The following FER1L6 variants were observed in gnomAD, a reference collection of about 807,000 sequenced individuals.
FER1L6 encodes the protein fer-1-like protein 6.
In FER1L6, 177 loss-of-function variants were observed where a neutral mutation model predicts 219.2. That is an observed-to-expected ratio of 0.81 (90% CI 0.71 to 0.91). FER1L6 has a LOEUF of 0.91. Among genes scored for constraint, FER1L6 ranks in the 40% least tolerant of loss-of-function variants. The pLI, the probability that FER1L6 is intolerant of heterozygous loss-of-function variation, is 0.00. For synonymous variants in FER1L6, 768 were observed against 824.3 expected (o/e 0.93, Z 1.17); for missense variants, 2,153 against 2,259.9 (o/e 0.95, Z 0.96).
At chr8:123,995,757 GTTGT>G (rs1188816432) in intron 12 of FER1L6, among the ~76,000 whole-genome samples, 2 of 151,864 alleles carry the variant, frequency 1.3e-5, no homozygotes, top group Non-Finnish European at 2.9e-5. Flanking sequence ...GCATCGTTAG[GTTGT>G]TTATTTGATG....
chr8:123,908,046 C>G (rs968821442), intron 1 of FER1L6, among the ~76,000 whole-genome samples: 1 of 151,956 alleles, frequency 6.6e-6, no homozygotes, highest in Admixed American at 6.6e-5. Flanking sequence ...TTTGCCGTCC[C>G]AGAACCAAGC....
rs1021299569 is a variant in FER1L6, at chr8:123,985,867, A to G, written c.1411-201A>G. The G allele has an allele frequency of 7.3e-6, 4 of 550,378 alleles. No homozygotes were observed. In the African/African-American group the frequency reaches 7.6e-5, roughly 10 times the overall value. 34.1% of individuals were successfully genotyped at this position (550,378 alleles called of 1,614,324 possible). On this transcript the variant is annotated intron_variant, in intron 11 of 40. Coordinates refer to ENST00000522917, the MANE Select transcript of FER1L6 (RefSeq NM_001039112.2). ...GAAGGTTGAGACTGCATCATTCTAG[A>G]TGAATGACTAAATTTGGATCTGCAG...
At chr8:124,052,844 T>C (rs1233762339) in intron 22 of FER1L6, among the ~76,000 whole-genome samples, 1 of 152,160 alleles carries the variant, frequency 6.6e-6, no homozygotes, top group African/African-American at 2.4e-5. Context: ...CATATTCCAA[T>C]GACACTATTT....
At chr8:123,921,498 G>A (rs1191921632) in intron 1 of FER1L6, among the ~76,000 whole-genome samples, 1 of 151,842 alleles carries the variant, frequency 6.6e-6, no homozygotes, top group Non-Finnish European at 1.5e-5. Context: ...CTGAGTAGCT[G>A]GGACTACAGG....
chr8:124,114,894 C>CATATATATAT (rs1563808836), intron 39 of FER1L6, among the ~76,000 whole-genome samples: 2 of 30,928 alleles, frequency 6.5e-5, no homozygotes, highest in African/African-American at 8.0e-5. Context: ...TGTGTGTGTG[C>CATATATATAT]GTATATATAT....
At chr8:124,114,407 CTA>C (rs1397574538) in intron 39 of FER1L6, among the ~76,000 whole-genome samples, 2 of 152,038 alleles carry the variant, frequency 1.3e-5, no homozygotes, top group Non-Finnish European at 2.9e-5. Flanking sequence ...ACTGAAGAAT[CTA>C]GAAGTAAAAT....
intron 27 of FER1L6, among the ~76,000 whole-genome samples, 186 bp downstream of exon 27, chr8:124,066,736 C>G (rs1322997474): frequency 1.3e-5 from 2 of 152,114 alleles, no homozygotes; most frequent in Non-Finnish European, 2.9e-5. Flanking sequence ...TTACAAAATT[C>G]CTACTTTTTG....
rs1452220652 is a variant in FER1L6, at chr8:124,060,722, C to T, written c.3147+13C>T. ...CGCTTTCGAAGTGGTGCGAGCTTCTCACTCTCCCGACCTGGCTCATTCCTC... is the reference window on the plus strand; with the variant it reads ...CGCTTTCGAAGTGGTGCGAGCTTCTTACTCTCCCGACCTGGCTCATTCCTC... On this transcript the variant is annotated intron_variant, in intron 24 of 40. Transcript: ENST00000522917. 3 of 1,611,410 alleles carry T rather than the reference C, an allele frequency of 1.9e-6. No homozygotes were observed. Among genetic ancestry groups the T allele is most frequent in the South Asian group, 1.1e-5 (1 of 90,936 alleles).
chr8:124,057,682 C>T (rs1294993688), intron 22 of FER1L6, among the ~76,000 whole-genome samples: 9 of 152,124 alleles, frequency 5.9e-5, no homozygotes, highest in Admixed American at 3.3e-4. Flanking sequence ...CTCTGTGCCT[C>T]TTCTTTTATG....
At chr8:123,918,708 G>C (rs539635235) in intron 1 of FER1L6, among the ~76,000 whole-genome samples, 1 of 151,672 alleles carries the variant, frequency 6.6e-6, no homozygotes, top group African/African-American at 2.4e-5. Flanking sequence ...TGGCAGGGGC[G>C]GGGGGGTGGT....
At chr8:123,864,205 T>C (rs200767746) in intron 1 of FER1L6, among the ~76,000 whole-genome samples, 21 of 150,824 alleles carry the variant, frequency 1.4e-4, no homozygotes, top group African/African-American at 2.0e-4. Flanking sequence ...ATTTGCTTGT[T>C]TGTAAAGTAT....
At chr8:123,920,925 C>G (rs888253828) in intron 1 of FER1L6, among the ~76,000 whole-genome samples, 1 of 152,142 alleles carries the variant, frequency 6.6e-6, no homozygotes, top group Non-Finnish European at 1.5e-5. Context: ...CTACTCATAC[C>G]TCATATAAGT....
intron 10 of FER1L6, among the ~76,000 whole-genome samples, chr8:123,979,314 C>T (rs149170624): frequency 1.2e-3 from 180 of 152,286 alleles, no homozygotes; most frequent in African/African-American, 4.1e-3. Context: ...ATCTACTGAG[C>T]GGAAATTCTT....
chr8:123,938,595 C>T (rs1226683361), intron 1 of FER1L6, among the ~76,000 whole-genome samples: 1 of 139,874 alleles, frequency 7.1e-6, no homozygotes, highest in African/African-American at 2.7e-5. Flanking sequence ...CACCCAGGCT[C>T]AAGTGCAGTG....
rs1816526503 is a variant in FER1L6, at chr8:123,852,383, C to T, written c.-8+198C>T. Among the ~76,000 whole-genome samples, 1 of 151,952 alleles carries T rather than the reference C, an allele frequency of 6.6e-6. No homozygotes were observed. The highest frequency in any genetic ancestry group is 2.4e-5 in the African/African-American group (1 of 41,374). The stretch of plus-strand genomic sequence containing the variant: ...ATGGTGCCATATATTGGGGACTCAG[C>T]ATTGGTCTCTGCTGTTGGCAGATTG... On this transcript the variant is annotated intron_variant, in intron 1 of 40. Transcript: ENST00000522917. The surrounding 1 kb of genome is among the most constrained non-coding windows in gnomAD (Gnocchi z 4.9).
In FER1L6 at chr8:123,917,643, G is replaced by A. The variant is rs75025783; in HGVS notation, c.-7-38349G>A. Among the ~76,000 whole-genome samples the A allele has an allele frequency of 1.9e-3, 285 of 152,262 alleles. 8 individuals carry two copies. The East Asian group carries it at 0.053, about 28-fold the overall frequency. On this transcript the variant is annotated intron_variant, in intron 1 of 40. Coordinates refer to ENST00000522917, the MANE Select transcript of FER1L6 (RefSeq NM_001039112.2). ...CTTTATTAAAATGTGAGACAATACA[G>A]GAAAAGGTGTAAAGACAAAAAGTAA...
chr8:123,990,194 G>A (rs891037535), intron 12 of FER1L6, among the ~76,000 whole-genome samples: 1 of 152,184 alleles, frequency 6.6e-6, no homozygotes, highest in Non-Finnish European at 1.5e-5. Context: ...TGTGAACCCA[G>A]GAGGCGGATC....
In FER1L6 at chr8:123,900,184, G is replaced by A. The variant is rs575564262; in HGVS notation, c.-8+47999G>A. On this transcript the variant is annotated intron_variant, in intron 1 of 40. Coordinates refer to ENST00000522917, the MANE Select transcript of FER1L6 (RefSeq NM_001039112.2). ...CTATGATTTCTTTCAGCATTGTTTT[G>A]TAGTTTTTCTTATAGAGGTCTTTCA... is the stretch of plus-strand genomic sequence containing the variant. Among the ~76,000 whole-genome samples, 6 of 152,088 alleles carry A rather than the reference G, an allele frequency of 3.9e-5. No individual in the cohort carries two copies. In the South Asian group the frequency reaches 1.2e-3, roughly 32 times the overall value.
intron 12 of FER1L6, among the ~76,000 whole-genome samples, chr8:123,991,141 T>G (rs749737471): frequency 1.8e-4 from 27 of 152,222 alleles, no homozygotes; most frequent in Admixed American, 1.8e-3. Context: ...AGTCAGGTAA[T>G]GTGATGCTTC....
Sources: allele counts gnomAD v4.1 joint callset (sites outside exome capture counted in the v4.1 genomes callset), GRCh38; gene constraint gnomAD v4.1.1; non-coding constraint Gnocchi (gnomAD v3.1); transcripts MANE v1.5; gene names NCBI Gene and HGNC (gene_info 2026-07-23, HGNC 2026-07-21).